The following RARB variants were observed in gnomAD, a reference collection of about 807,000 sequenced individuals.
RARB encodes the protein retinoic acid receptor beta, also known as HBV-activated protein.
In RARB, 17 loss-of-function variants were observed where a neutral mutation model predicts 51.9. The observed-to-expected ratio is 0.33, with a 90% CI of 0.22 to 0.49. The LOEUF (loss-of-function observed/expected upper bound fraction) is 0.49, where lower values mean the gene tolerates loss of function less well. Among genes scored for constraint, RARB ranks in the 20% least tolerant of loss-of-function variants. The pLI is 0.99. For missense variants in RARB, 369 were observed against 550.8 expected (o/e 0.67, Z 3.30); for synonymous variants, 215 against 195.4 (o/e 1.10, Z -0.84).
intron 4 of RARB, among the ~76,000 whole-genome samples, chr3:25,579,652 A>T (rs533748347): frequency 7.2e-5 from 11 of 152,198 alleles, no homozygotes; most frequent in Non-Finnish European, 1.5e-4. Flanking sequence ...TTCAATCTAT[A>T]GATTTCTCTC....
rs1191110696 is a variant in RARB, at chr3:24,990,397, A to T, written c.-379-69728A>T. On this transcript the variant is annotated intron_variant, in intron 2 of 11. Transcript: ENST00000383772. The stretch of plus-strand genomic sequence containing the variant: ...TGTGTCCATGTGTTCTCATTGTTCA[A>T]TTGCCATCTATGATAATCAAACTTT... Among the ~76,000 whole-genome samples, 2 of 73,242 alleles carry T rather than the reference A, an allele frequency of 2.7e-5. 1 individual carries two copies. 48.0% of individuals were successfully genotyped at this position (73,242 alleles called of 152,430 possible). A position where few individuals can be genotyped will look rare whatever the true frequency, so the allele number is the denominator to read the frequency against.
chr3:25,066,059 C>G (rs1190689464), intron 3 of RARB, among the ~76,000 whole-genome samples: 1 of 151,952 alleles, frequency 6.6e-6, no homozygotes, highest in East Asian at 1.9e-4. Context: ...GTAGAATAAA[C>G]AGGTGTTTTT....
chr3:25,173,202 G>C (rs577290846), intron 4 of RARB, among the ~76,000 whole-genome samples: 2 of 152,300 alleles, frequency 1.3e-5, no homozygotes, highest in South Asian at 4.1e-4. Flanking sequence ...AGGAATCCTA[G>C]GTGTTGAGCA....
At chr3:25,374,732 C>T (rs1247194041) in intron 5 of RARB, among the ~76,000 whole-genome samples, 4 of 152,128 alleles carry the variant, frequency 2.6e-5, no homozygotes, top group African/African-American at 9.7e-5. Context: ...TGGAAGCCAT[C>T]CTCCATTGGC....
chr3:25,209,706 C>G (rs561689220), intron 5 of RARB, among the ~76,000 whole-genome samples: 1 of 152,230 alleles, frequency 6.6e-6, no homozygotes, highest in South Asian at 2.1e-4. Context: ...CTCTCCTGCT[C>G]CCTGCCACCA....
chr3:24,862,189 A>G (rs1255957126), intron 2 of RARB, among the ~76,000 whole-genome samples: 1 of 152,220 alleles, frequency 6.6e-6, no homozygotes, highest in Non-Finnish European at 1.5e-5. Flanking sequence ...CCGCATTTCC[A>G]TCAGGTGTGG....
At chr3:24,870,143 C>A (rs571667202) in intron 2 of RARB, among the ~76,000 whole-genome samples, 1 of 152,148 alleles carries the variant, frequency 6.6e-6, no homozygotes, top group South Asian at 2.1e-4. Flanking sequence ...TATCTTCTCC[C>A]AGTTTGAAGC....
chr3:25,171,655 A>AAAAAAAAAAAAAAAAAAC, intron 4 of RARB, among the ~76,000 whole-genome samples: 1 of 148,196 alleles, frequency 6.7e-6, no homozygotes, highest in Non-Finnish European at 1.5e-5. Context: ...AAAAAAAAAA[A>AAAAAAAAAAAAAAAAAAC]AAAAAACAGC....
intron 5 of RARB, among the ~76,000 whole-genome samples, chr3:25,343,040 G>C (rs1379481528): frequency 7.1e-6 from 1 of 141,290 alleles, no homozygotes; most frequent in Non-Finnish European, 1.6e-5. Context: ...GTGTGTGTGT[G>C]TGTGTGTGTG....
At chr3:24,941,006 A>G (rs1162152324) in intron 2 of RARB, among the ~76,000 whole-genome samples, 1 of 152,120 alleles carries the variant, frequency 6.6e-6, no homozygotes, top group Non-Finnish European at 1.5e-5. Flanking sequence ...TAAATTTTGA[A>G]TCGTTTACCA....
chr3:25,396,725 G>A (rs1707125543), intron 5 of RARB, among the ~76,000 whole-genome samples: 1 of 152,094 alleles, frequency 6.6e-6, no homozygotes, highest in Admixed American at 6.5e-5. Context: ...CTGTGGAGAT[G>A]GGGGTGTGGT....
chr3:25,212,904 A>C (rs1278724867), intron 5 of RARB, among the ~76,000 whole-genome samples: 1 of 152,208 alleles, frequency 6.6e-6, no homozygotes, highest in African/African-American at 2.4e-5. Flanking sequence ...AAGGTCGCTC[A>C]CTTGGGAGCC....
At chr3:25,397,000 C>G (rs1707133408) in intron 5 of RARB, among the ~76,000 whole-genome samples, 1 of 152,152 alleles carries the variant, frequency 6.6e-6, no homozygotes, top group African/African-American at 2.4e-5. Context: ...CCCCACTGCT[C>G]TCTCAACTGC....
intron 1 of RARB, among the ~76,000 whole-genome samples, chr3:25,435,881 A>G (rs1708411759): frequency 6.6e-6 from 1 of 152,206 alleles, no homozygotes; most frequent in African/African-American, 2.4e-5. Context: ...ACATTATATT[A>G]CAGTAGTCGT....
chr3:24,946,014 G>A (rs201919486), intron 2 of RARB, among the ~76,000 whole-genome samples: 54 of 152,108 alleles, frequency 3.6e-4, no homozygotes, highest in South Asian at 3.3e-3. Flanking sequence ...GCCTGTAATC[G>A]CAGCACTTTG....
chr3:25,451,186 G>A (rs1452517796), intron 1 of RARB, among the ~76,000 whole-genome samples: 2 of 152,224 alleles, frequency 1.3e-5, no homozygotes, highest in South Asian at 2.1e-4. Context: ...GGAGGTGAAG[G>A]TTGGCTATCA....
chr3:25,119,749 G>T (rs1002710522), intron 3 of RARB, among the ~76,000 whole-genome samples: 1 of 151,984 alleles, frequency 6.6e-6, no homozygotes, highest in Admixed American at 6.6e-5. Context: ...ATTTGTTCAG[G>T]TATAGCAAAT....
chr3:25,191,381 A>G (rs947606193), intron 5 of RARB, among the ~76,000 whole-genome samples: 10 of 152,004 alleles, frequency 6.6e-5, no homozygotes, highest in African/African-American at 2.2e-4. Context: ...TCCACCTTAT[A>G]ATGTGGTCAT....
chr3:25,273,948 C>T (rs1488315183), intron 5 of RARB, among the ~76,000 whole-genome samples: 1 of 152,184 alleles, frequency 6.6e-6, no homozygotes, highest in Non-Finnish European at 1.5e-5. Context: ...ACTGGCCTGC[C>T]ACCCCTGCAC....
Sources: allele counts gnomAD v4.1 joint callset (sites outside exome capture counted in the v4.1 genomes callset), GRCh38; gene constraint gnomAD v4.1.1; transcripts MANE v1.5; gene names NCBI Gene and HGNC (gene_info 2026-07-23, HGNC 2026-07-21).